Variants in PRPSAP2 observed in about 807,000 individuals in gnomAD.
PRPSAP2 encodes the protein phosphoribosyl pyrophosphate synthase-associated protein 2.
Under a neutral mutation model 40.6 loss-of-function variants are expected in PRPSAP2, and 24 were observed. That is an observed-to-expected ratio of 0.59 (90% confidence interval 0.43 to 0.83). The LOEUF (loss-of-function observed/expected upper bound fraction) is 0.83, where lower values mean the gene tolerates loss of function less well. Ranked by LOEUF, PRPSAP2 falls within the 40% of genes least tolerant of loss-of-function variation. The pLI is 0.00. For synonymous variants in PRPSAP2, 149 were observed against 164.7 expected (o/e 0.90, Z 0.73); for missense variants, 292 against 465.6 (o/e 0.63, Z 3.43).
intron 8 of PRPSAP2, among the ~76,000 whole-genome samples, chr17:18,908,052 C>G (rs2040708252): frequency 6.6e-6 from 1 of 152,124 alleles, no homozygotes; most frequent in Non-Finnish European, 1.5e-5. Flanking sequence ...ACAGGAGAAT[C>G]ACTTGATCCA....
At chr17:18,878,652 G>C (rs146759249) in intron 6 of PRPSAP2, among the ~76,000 whole-genome samples, 1 of 151,962 alleles carries the variant, frequency 6.6e-6, no homozygotes, top group Non-Finnish European at 1.5e-5. Flanking sequence ...CCACCTCCCC[G>C]GTTCAAGCGA....
At chr17:18,908,342 C>G (rs780722146) in intron 8 of PRPSAP2, 3 of 775,864 alleles carry the variant, frequency 3.9e-6, no homozygotes, top group Non-Finnish European at 7.2e-6. Context: ...CAACCATGAC[C>G]CTCAGTTTGA....
chr17:18,916,115 G>C (rs539156352), intron 9 of PRPSAP2, among the ~76,000 whole-genome samples: 10 of 152,012 alleles, frequency 6.6e-5, no homozygotes, highest in Admixed American at 2.0e-4. Context: ...ACTGCGCCTG[G>C]CCCAAATTTT....
At chr17:18,893,860 A>G (rs1567710999) in intron 8 of PRPSAP2, among the ~76,000 whole-genome samples, 1 of 152,144 alleles carries the variant, frequency 6.6e-6, no homozygotes, top group Non-Finnish European at 1.5e-5. Flanking sequence ...CACCGCACCC[A>G]GCCACCATAG....
At chr17:18,860,600 C>T (rs190526675) in intron 1 of PRPSAP2, 5 of 152,294 alleles carry the variant, frequency 3.3e-5, no homozygotes, top group African/African-American at 9.6e-5. Context: ...AAGGCTGAGG[C>T]CCAGCAAGGA....
rs909856755 is a variant in PRPSAP2 at position 18,894,406 on chromosome 17, G to T, written c.584+4529G>T. On this transcript the variant is annotated intron_variant, in intron 8 of 11. Coordinates refer to ENST00000268835, the MANE Select transcript of PRPSAP2 (RefSeq NM_002767.4). ...ACTCCAGACCTCAGGTGATCTGCCTGCCTCGGCATCCCAAAGTGTTGGGAT... is the reference window on the plus strand; with the variant it reads ...ACTCCAGACCTCAGGTGATCTGCCTTCCTCGGCATCCCAAAGTGTTGGGAT... Among the ~76,000 whole-genome samples the T allele has an allele frequency of 2.6e-5, 4 of 151,482 alleles. No individual in the cohort carries two copies. In the East Asian group the frequency reaches 7.8e-4, roughly 29 times the overall value.
At chr17:18,863,533 C>G in intron 1 of PRPSAP2, among the ~76,000 whole-genome samples, 1 of 151,400 alleles carries the variant, frequency 6.6e-6, no homozygotes, top group South Asian at 2.1e-4. Flanking sequence ...CTTCTCTTTT[C>G]TTTTCTTTTC....
At chr17:18,891,149 G>A (rs2039521541) in intron 8 of PRPSAP2, among the ~76,000 whole-genome samples, 2 of 152,196 alleles carry the variant, frequency 1.3e-5, no homozygotes, top group South Asian at 4.1e-4. Flanking sequence ...CCTGTGGAAT[G>A]AAAGAAAGTG....
At chr17:18,874,420 A>G (rs540153464) in intron 5 of PRPSAP2, among the ~76,000 whole-genome samples, 2 of 152,350 alleles carry the variant, frequency 1.3e-5, no homozygotes, top group African/African-American at 2.4e-5. Context: ...AAAGAAGGCC[A>G]TTTCGGGAGA....
At position 18,865,584 on chromosome 17, in the gene PRPSAP2, T is replaced by A. The variant is rs901197788; in HGVS notation, c.-33+20T>A. 16 of 192,232 alleles carry A rather than the reference T, an allele frequency of 8.3e-5. No homozygotes were observed. The highest frequency in any genetic ancestry group is 7.9e-4 in the Admixed American group (13 of 16,478). 11.9% of individuals were successfully genotyped at this position (192,232 alleles called of 1,614,324 possible). A position where few individuals can be genotyped will look rare whatever the true frequency, so the allele number is the denominator to read the frequency against. On this transcript the variant is annotated intron_variant, in intron 2 of 11. Transcript: ENST00000268835. ...TTTCTTGTAAGTTTATCATTTCTTC[T>A]TAGTGGTTGTGAACATCATGTGATA...
chr17:18,876,025 C>T (rs1026642574), intron 5 of PRPSAP2, among the ~76,000 whole-genome samples: 1 of 151,906 alleles, frequency 6.6e-6, no homozygotes, highest in Non-Finnish European at 1.5e-5. Flanking sequence ...CTCAGCTACT[C>T]GGGAGGCTGA....
intron 4 of PRPSAP2, among the ~76,000 whole-genome samples, chr17:18,871,940 A>T (rs1427995983): frequency 1.3e-5 from 2 of 151,990 alleles, no homozygotes; most frequent in African/African-American, 4.8e-5. Context: ...GATTACAGGC[A>T]TGAGCCACTG....
intron 4 of PRPSAP2, among the ~76,000 whole-genome samples, chr17:18,872,136 G>T (rs1375297075): frequency 6.6e-6 from 1 of 152,106 alleles, no homozygotes; most frequent in Non-Finnish European, 1.5e-5. Context: ...AGCTGGATGT[G>T]GTGGCGGGCG....
intron 10 of PRPSAP2, among the ~76,000 whole-genome samples, chr17:18,927,469 T>C (rs927173934): frequency 6.6e-6 from 1 of 152,232 alleles, no homozygotes; most frequent in African/African-American, 2.4e-5. Flanking sequence ...CAGGTTGTTT[T>C]GTATATTAAT....
At chr17:18,862,200 A>G (rs1362240223) in intron 1 of PRPSAP2, among the ~76,000 whole-genome samples, 1 of 152,108 alleles carries the variant, frequency 6.6e-6, no homozygotes, top group Admixed American at 6.6e-5. Context: ...AGCATGTTCT[A>G]AGGAAGAATT....
intron 5 of PRPSAP2, among the ~76,000 whole-genome samples, 193 bp downstream of exon 5, chr17:18,872,842 T>C (rs2037989639): frequency 6.6e-6 from 1 of 152,022 alleles, no homozygotes; most frequent in African/African-American, 2.4e-5. Flanking sequence ...TTTTTCCTTC[T>C]TTCTTTCTTT....
chr17:18,859,825 A>G (rs111869687), intron 1 of PRPSAP2: 13,494 of 152,154 alleles, frequency 0.089, 689 homozygotes, highest in African/African-American at 0.14. Flanking sequence ...GCTCACTGCA[A>G]CCTCTGCCTC....
intron 8 of PRPSAP2, among the ~76,000 whole-genome samples, chr17:18,895,070 A>G (rs1180811419): frequency 6.9e-6 from 1 of 145,562 alleles, no homozygotes; most frequent in Non-Finnish European, 1.5e-5. Context: ...TTTTCCCCAT[A>G]TAGATGTGTA....
intron 1 of PRPSAP2, among the ~76,000 whole-genome samples, chr17:18,862,143 C>A (rs977601786): frequency 6.6e-6 from 1 of 152,194 alleles, no homozygotes; most frequent in Non-Finnish European, 1.5e-5. Flanking sequence ...CTGCCTCGCT[C>A]TCCCAATTTG....
Sources: allele counts gnomAD v4.1 joint callset (sites outside exome capture counted in the v4.1 genomes callset), GRCh38; gene constraint gnomAD v4.1.1; transcripts MANE v1.5; gene names NCBI Gene and HGNC (gene_info 2026-07-23, HGNC 2026-07-21).